Variants in XIRP2 observed in about 807,000 individuals in gnomAD.
XIRP2 encodes the protein xin actin binding repeat containing 2, also known as xin actin-binding repeat-containing protein 2.
A neutral mutation model predicts 277.0 loss-of-function variants in XIRP2; 236 were observed. That is an observed-to-expected ratio of 0.85 (90% CI 0.77 to 0.95). The LOEUF is 0.95. Among genes scored for constraint, XIRP2 ranks in the 40% least tolerant of loss-of-function variants. The pLI, the probability that XIRP2 is intolerant of heterozygous loss-of-function variation, is 0.00. For missense variants in XIRP2, 4,640 were observed against 4,157.5 expected (o/e 1.12, Z -3.19); for synonymous variants, 1,490 against 1,416.5 (o/e 1.05, Z -1.17).
chr2:167,146,527 GAAAT>G (rs1254385210), intron 3 of XIRP2, among the ~76,000 whole-genome samples: 2 of 151,000 alleles, frequency 1.3e-5, no homozygotes, highest in Non-Finnish European at 3.0e-5. Flanking sequence ...AAGAAAGAAA[GAAAT>G]TAATTATAGA....
intron 3 of XIRP2, among the ~76,000 whole-genome samples, chr2:167,167,499 T>C (rs184069664): frequency 6.6e-6 from 1 of 152,146 alleles, no homozygotes; most frequent in African/African-American, 2.4e-5. Context: ...TGTACTTTTT[T>C]AAAACTTTTT....
intron 2 of XIRP2, among the ~76,000 whole-genome samples, chr2:166,912,090 A>T (rs1291110033): frequency 6.6e-6 from 1 of 152,028 alleles, no homozygotes; most frequent in African/African-American, 2.4e-5. Flanking sequence ...TGTGTCTTGG[A>T]GTTGCTCTTC....
intron 2 of XIRP2, among the ~76,000 whole-genome samples, chr2:166,932,864 A>T (rs2105370219): frequency 6.6e-6 from 1 of 152,098 alleles, no homozygotes; most frequent in African/African-American, 2.4e-5. Context: ...CTATATCTGG[A>T]TCTATTTTTG....
intron 2 of XIRP2, among the ~76,000 whole-genome samples, chr2:167,051,746 A>C (rs545465967): frequency 1.2e-4 from 18 of 152,100 alleles, no homozygotes; most frequent in Non-Finnish European, 2.5e-4. Context: ...ATATACAGAC[A>C]AAGATATTCT....
chr2:166,919,610 A>G (rs1297029962), intron 2 of XIRP2, among the ~76,000 whole-genome samples: 2 of 152,182 alleles, frequency 1.3e-5, no homozygotes, highest in Non-Finnish European at 1.5e-5. Flanking sequence ...CAATGATTTT[A>G]TGACTTAAAA....
intron 2 of XIRP2, among the ~76,000 whole-genome samples, chr2:167,121,404 TA>T (rs1691053403): frequency 6.6e-6 from 1 of 152,148 alleles, no homozygotes; most frequent in East Asian, 1.9e-4. Flanking sequence ...GAAAATGAAA[TA>T]AAAAATGGAT....
intron 3 of XIRP2, among the ~76,000 whole-genome samples, chr2:167,182,004 C>T (rs1490721758): frequency 6.6e-6 from 1 of 152,092 alleles, no homozygotes; most frequent in Non-Finnish European, 1.5e-5. Context: ...CACGGTCGCT[C>T]TACTTAACAC....
At chr2:167,047,556 T>C (rs979413520) in intron 2 of XIRP2, among the ~76,000 whole-genome samples, 12 of 152,036 alleles carry the variant, frequency 7.9e-5, no homozygotes, top group Middle Eastern at 3.4e-3. Flanking sequence ...TGAGGGCCAA[T>C]AAAATTATTC....
At chr2:167,177,891 A>C (rs1313992329) in intron 3 of XIRP2, among the ~76,000 whole-genome samples, 1 of 152,104 alleles carries the variant, frequency 6.6e-6, no homozygotes, top group Non-Finnish European at 1.5e-5. Flanking sequence ...CGTTTTTTCT[A>C]ATAGAAGAAT....
chr2:167,242,008 C>T (rs1459723959), intron 8 of XIRP2, 98 bp downstream of exon 8: 11 of 1,373,008 alleles, frequency 8.0e-6, no homozygotes, highest in South Asian at 5.3e-5. Context: ...GGCTTTTCAA[C>T]AAAAAAAAAT....
chr2:167,143,096 C>T (rs189283936), intron 3 of XIRP2, among the ~76,000 whole-genome samples: 27 of 152,148 alleles, frequency 1.8e-4, no homozygotes, highest in African/African-American at 4.1e-4. Context: ...GTATCAGAGG[C>T]GAACACAGAA....
At chr2:167,169,394 T>A (rs1015058223) in intron 3 of XIRP2, among the ~76,000 whole-genome samples, 1 of 152,234 alleles carries the variant, frequency 6.6e-6, no homozygotes, top group African/African-American at 2.4e-5. Context: ...GGACCTCCAA[T>A]AACTCCTCAA....
intron 2 of XIRP2, among the ~76,000 whole-genome samples, chr2:167,133,212 A>G (rs1360531043): frequency 1.3e-5 from 2 of 152,204 alleles, no homozygotes; most frequent in Admixed American, 1.3e-4. Context: ...TTTTTACTCA[A>G]AGTAAATCTT....
chr2:167,001,695 G>T (rs1268068860), intron 2 of XIRP2, among the ~76,000 whole-genome samples: 2 of 152,068 alleles, frequency 1.3e-5, no homozygotes, highest in Non-Finnish European at 2.9e-5. Flanking sequence ...TTTTGTAAGT[G>T]CCCCTAGTAC....
At chr2:167,218,977 G>A (rs1480859262) in intron 5 of XIRP2, among the ~76,000 whole-genome samples, 2 of 152,016 alleles carry the variant, frequency 1.3e-5, no homozygotes, top group African/African-American at 2.4e-5. Context: ...GGTGTACTTA[G>A]GCCCATGTTT....
At chr2:167,099,638 A>G (rs1690434113) in intron 2 of XIRP2, among the ~76,000 whole-genome samples, 1 of 152,084 alleles carries the variant, frequency 6.6e-6, no homozygotes, top group African/African-American at 2.4e-5. Context: ...CTTGTGGTGT[A>G]GGCACCCGAG....
intron 2 of XIRP2, among the ~76,000 whole-genome samples, chr2:166,977,027 A>AT (rs1686734175): frequency 6.6e-6 from 1 of 152,146 alleles, no homozygotes; most frequent in African/African-American, 2.4e-5. Context: ...TTAAAGATGT[A>AT]TTTTTATTTT....
intron 2 of XIRP2, among the ~76,000 whole-genome samples, chr2:167,005,731 G>A (rs1440909566): frequency 6.6e-6 from 1 of 151,402 alleles, no homozygotes; most frequent in African/African-American, 2.4e-5. Flanking sequence ...GACAAATAAT[G>A]AACATCTGGA....
intron 2 of XIRP2, among the ~76,000 whole-genome samples, chr2:166,936,260 T>C (rs1425263109): frequency 6.6e-6 from 1 of 152,214 alleles, no homozygotes; most frequent in Non-Finnish European, 1.5e-5. Flanking sequence ...GATGGGGTTG[T>C]TTGTTTTTTT....
Sources: allele counts gnomAD v4.1 joint callset (sites outside exome capture counted in the v4.1 genomes callset), GRCh38; gene constraint gnomAD v4.1.1; transcripts MANE v1.5; gene names NCBI Gene and HGNC (gene_info 2026-07-23, HGNC 2026-07-21).